PCDHGC3: variants seen among roughly 807,000 people sequenced by gnomAD.
The protein encoded by PCDHGC3 is protocadherin gamma subfamily C, 3.
PCDHGC3 carries 26 observed loss-of-function variants against 59.2 expected under a neutral mutation model. That is an observed-to-expected ratio of 0.44 (90% CI 0.32 to 0.61). PCDHGC3 has a LOEUF of 0.61. Ranked by LOEUF, PCDHGC3 falls within the 20% of genes least tolerant of loss-of-function variation. The pLI is 0.05. For missense variants in PCDHGC3, 1,080 were observed against 1,221.8 expected (o/e 0.88, Z 1.73); for synonymous variants, 487 against 519.7 (o/e 0.94, Z 0.86).
chr5:141,498,971 G>GGGAAGGAAGGAAGGAAGGAA (rs201769957), intron 2 of PCDHGC3, among the ~76,000 whole-genome samples: 36 of 111,052 alleles, frequency 3.2e-4, no homozygotes, highest in African/African-American at 9.0e-4. Context: ...GAGGGAGGGA[G>GGGAAGGAAGGAAGGAAGGAA]GGAAGGAAGG....
At chr5:141,509,570 G>A (rs2099877371) in intron 3 of PCDHGC3, among the ~76,000 whole-genome samples, 1 of 152,232 alleles carries the variant, frequency 6.6e-6, no homozygotes, top group South Asian at 2.1e-4. Flanking sequence ...AGCCTTCACA[G>A]TGCGTACAAA....
chr5:141,477,087 C>T lies in PCDHGC3; in HGVS notation c.971C>T (p.Ala324Val), dbSNP rs748424193. ...AAACTCCATGAGATTTACATCCAGG[C>T]CAAAGACAAGGGCGCCAATCCCGAA... ...DTKLHEIYIQ[A>V]KDKGANPEGA... The change falls in exon 1 of 4, where the codon GCC becomes GTC. Residue 324 changes from alanine to valine, a missense_variant. Physicochemically the swap from Ala to Val is moderately conservative, Grantham distance 64. Coordinates refer to ENST00000308177, the MANE Select transcript of PCDHGC3 (RefSeq NM_002588.4). The surrounding 1 kb of genome is among the most constrained non-coding windows in gnomAD (Gnocchi z 4.9). The T allele has an allele frequency of 1.2e-6, 2 of 1,614,244 alleles. No individual in the cohort carries two copies. Among genetic ancestry groups the T allele is most frequent in the Admixed American group, 3.3e-5 (2 of 60,032 alleles).
At chr5:141,484,660 T>G in intron 1 of PCDHGC3, among the ~76,000 whole-genome samples, 1 of 151,976 alleles carries the variant, frequency 6.6e-6, no homozygotes, top group Non-Finnish European at 1.5e-5. Flanking sequence ...ACTCTCCCTC[T>G]CAGTGGGCCG....
At position 141,500,878 on chromosome 5, in the gene PCDHGC3, T is replaced by A. The variant is rs545375199; in HGVS notation, c.2490-4515T>A. On this transcript the variant is annotated intron_variant, in intron 2 of 3. Transcript: ENST00000308177. The stretch of plus-strand genomic sequence containing the variant: ...AGAAAACATACACATTCATTTACAA[T>A]TTTTTTTTTTTGAGACAGTCTCGCT... Among the ~76,000 whole-genome samples, 20 of 92,410 alleles carry A rather than the reference T, an allele frequency of 2.2e-4. 1 individual carries two copies. The East Asian group carries it at 4.8e-3, about 22-fold the overall frequency. The allele number at this position is 92,410 out of a possible 152,430, so 60.6% of individuals were successfully genotyped here.
Position 141,477,780 on chromosome 5 carries a change from T to C in PCDHGC3, c.1664T>C (p.Ile555Thr). Residue 555 changes from isoleucine (I) to threonine (T), a missense_variant, in exon 1 of 4, where the codon ATA (isoleucine) becomes ACA (threonine). Coordinates refer to ENST00000308177, the MANE Select transcript of PCDHGC3 (RefSeq NM_002588.4). The surrounding 1 kb of genome is among the most constrained non-coding windows in gnomAD (Gnocchi z 4.9). ...CTAGCCACCAACATCAGCGTGAACA[T>C]ATTTGTCACTGATCGCAATGACAAT... ...PVLATNISVN[I>T]FVTDRNDNAP... 6.2e-7 allele frequency: 1 copy of C among 1,614,048 alleles called. No homozygotes were observed. Among genetic ancestry groups the C allele is most frequent in the Non-Finnish European group, 8.5e-7 (1 of 1,180,030 alleles).
intron 2 of PCDHGC3, 57 bp downstream of exon 2, chr5:141,494,922 C>G: frequency 6.2e-7 from 1 of 1,613,670 alleles, no homozygotes; most frequent in Admixed American, 1.7e-5. Context: ...TCAGGGATGA[C>G]GTGGGAGGAG....
chr5:141,476,521 C>T lies in PCDHGC3; in HGVS notation c.405C>T (p.Phe135=). The change falls in exon 1 of 4, where the codon TTC becomes TTT. Residue 135 remains phenylalanine (F), a synonymous_variant. Transcript: ENST00000308177. The surrounding 1 kb of genome is among the most constrained non-coding windows in gnomAD (Gnocchi z 7.6). ...ACATCAACGACAACAATCCTGCTTT[C>T]CCTACCCAGGAAATGAAATTGGAGA... ...IQDINDNNPA[F]PTQEMKLEIS... 4 of 1,614,214 alleles carry T rather than the reference C, an allele frequency of 2.5e-6. No homozygotes were observed. The highest frequency in any genetic ancestry group is 3.4e-6 in the Non-Finnish European group (4 of 1,180,036).
chr5:141,494,749 G>C (rs573811540), intron 1 of PCDHGC3, 58 bp from the exon 2 acceptor site: 3 of 1,612,818 alleles, frequency 1.9e-6, no homozygotes, highest in South Asian at 2.2e-5. Context: ...CTAGGGGCTC[G>C]GGTGACATTC....
chr5:141,493,808 C>T lies in PCDHGC3; in HGVS notation c.2431-999C>T, dbSNP rs2099750260. On this transcript the variant is annotated intron_variant, in intron 1 of 3. Transcript: ENST00000308177. The surrounding 1 kb of genome is among the most constrained non-coding windows in gnomAD (Gnocchi z 4.3). ...CTTCTCCCTGGAGTAATCTGAGATA[C>T]TCACACTCTCTGCTTCTGGGAGCAA... is the stretch of plus-strand genomic sequence containing the variant. 6.6e-6 allele frequency among the ~76,000 whole-genome samples: 1 copy of T among 152,200 alleles called. No individual in the cohort carries two copies. The highest frequency in any genetic ancestry group is 1.5e-5 in the Non-Finnish European group (1 of 68,042).
chr5:141,477,268 C>A lies in PCDHGC3; in HGVS notation c.1152C>A (p.Asn384Lys), dbSNP rs2099408532. The change falls in exon 1 of 4, where the codon AAC becomes AAA. Residue 384 changes from asparagine to lysine, a missense_variant. Transcript: ENST00000308177. This position sits in a 1 kb window ranked among gnomAD's most constrained non-coding sequence, Gnocchi z 4.9. ...TGACTGACCTGGATGCTGGCGAGAA[C>A]GGGCTGGTGACCTGCGAAGTTCCAC... ...LSVTDLDAGE[N>K]GLVTCEVPPG... is the part of the protein sequence containing the mutation. 1.2e-6 allele frequency: 2 copies of A among 1,614,078 alleles called. No individual in the cohort carries two copies. Among genetic ancestry groups the A allele is most frequent in the Non-Finnish European group, 1.7e-6 (2 of 1,180,038 alleles).
At chr5:141,500,182 ATT>A (rs1199992745) in intron 2 of PCDHGC3, among the ~76,000 whole-genome samples, 2 of 131,622 alleles carry the variant, frequency 1.5e-5, no homozygotes, top group African/African-American at 3.1e-5. Flanking sequence ...CTTCATTTTT[ATT>A]TTTATTTATT....
chr5:141,490,157 G>A lies in PCDHGC3; in HGVS notation c.2431-4650G>A. 6.2e-7 allele frequency: 1 copy of A among 1,614,210 alleles called. No homozygotes were observed. On this transcript the variant is annotated intron_variant, in intron 1 of 3. Transcript: ENST00000308177. The surrounding 1 kb of genome is among the most constrained non-coding windows in gnomAD (Gnocchi z 5.4). ...AGCAGTGGGGCAATCCATGTGTTGG[G>A]TCCCATAGACTTTGAGGAGTCACGT...
In PCDHGC3 at chr5:141,490,134, C is replaced by G; in HGVS notation, c.2431-4673C>G. On this transcript the variant is annotated intron_variant, in intron 1 of 3. Transcript: ENST00000308177. This position sits in a 1 kb window ranked among gnomAD's most constrained non-coding sequence, Gnocchi z 5.4. ...GGAACCTCTTTGGCCTAGACCCTAG[C>G]AGTGGGGCAATCCATGTGTTGGGTC... The G allele has an allele frequency of 1.2e-6, 2 of 1,614,232 alleles. No homozygotes were observed. The highest frequency in any genetic ancestry group is 1.7e-6 in the Non-Finnish European group (2 of 1,180,030).
At chr5:141,498,971 G>GGAAGGAA (rs2099787559) in intron 2 of PCDHGC3, among the ~76,000 whole-genome samples, 2 of 111,052 alleles carry the variant, frequency 1.8e-5, no homozygotes, top group African/African-American at 7.2e-5. Context: ...GAGGGAGGGA[G>GGAAGGAA]GGAAGGAAGG....
Position 141,477,983 on chromosome 5 carries a change from C to T in PCDHGC3, c.1867C>T (p.Leu623=). 1 of 1,614,126 alleles carries T rather than the reference C, an allele frequency of 6.2e-7. No individual in the cohort carries two copies. Among genetic ancestry groups the T allele is most frequent in the Non-Finnish European group, 8.5e-7 (1 of 1,180,024 alleles). ...SPNQSLFAIG[L]HTGQISTARP... ...TAACCAGAGCCTTTTTGCCATAGGGCTGCACACTGGTCAAATCAGTACTGC... is the reference window on the plus strand; with the variant it reads ...TAACCAGAGCCTTTTTGCCATAGGGTTGCACACTGGTCAAATCAGTACTGC... Residue 623 remains leucine, a synonymous_variant, in exon 1 of 4, where the codon CTG becomes TTG. Coordinates refer to ENST00000308177, the MANE Select transcript of PCDHGC3 (RefSeq NM_002588.4). The surrounding 1 kb of genome is among the most constrained non-coding windows in gnomAD (Gnocchi z 4.9).
In PCDHGC3 at chr5:141,491,552, G is replaced by A. The variant is rs769927075; in HGVS notation, c.2431-3255G>A. 1 of 1,614,008 alleles carries A rather than the reference G, an allele frequency of 6.2e-7. No individual in the cohort carries two copies. The highest frequency in any genetic ancestry group is 1.7e-5 in the Admixed American group (1 of 60,024). On this transcript the variant is annotated intron_variant, in intron 1 of 3. Coordinates refer to ENST00000308177, the MANE Select transcript of PCDHGC3 (RefSeq NM_002588.4). This position sits in a 1 kb window ranked among gnomAD's most constrained non-coding sequence, Gnocchi z 6.9. Reference sequence around the variant, plus strand: ...ACGCTGCGGCCCACAGACTCGCAGAGCCACTGCTACAGGACGTGCTTTTCA... The same window carrying A: ...ACGCTGCGGCCCACAGACTCGCAGAACCACTGCTACAGGACGTGCTTTTCA...
intron 1 of PCDHGC3, among the ~76,000 whole-genome samples, chr5:141,484,160 T>C (rs1451052819): frequency 2.6e-5 from 4 of 152,210 alleles, no homozygotes; most frequent in African/African-American, 7.2e-5. Flanking sequence ...CACAATGCTG[T>C]TGGTAGCTGA....
Position 141,489,341 on chromosome 5 carries a change from CAGT to C in PCDHGC3, c.2431-5465_2431-5463del. The stretch of plus-strand genomic sequence containing the variant: ...TGGGTGTCTGGGCAGCTTCGTTACT[CAGT>C]GGTGGAGGAGTCTGAGCCGGGGACG... On this transcript the variant is annotated intron_variant, in intron 1 of 3. Coordinates refer to ENST00000308177, the MANE Select transcript of PCDHGC3 (RefSeq NM_002588.4). This position sits in a 1 kb window ranked among gnomAD's most constrained non-coding sequence, Gnocchi z 4.5. The C allele has an allele frequency of 6.2e-7, 1 of 1,609,088 alleles. No homozygotes were observed. Among genetic ancestry groups the C allele is most frequent in the Non-Finnish European group, 8.5e-7 (1 of 1,176,770 alleles).
At chr5:141,502,093 G>C (rs1037154464) in intron 2 of PCDHGC3, among the ~76,000 whole-genome samples, 27 of 152,112 alleles carry the variant, frequency 1.8e-4, no homozygotes, top group Admixed American at 1.7e-3. Flanking sequence ...AGAACACCTG[G>C]CCTTGACCCT....
Sources: gnomAD v4.1 joint callset for allele counts (sites outside exome capture counted in the v4.1 genomes callset) on GRCh38, gnomAD v4.1.1 for gene constraint, Gnocchi (gnomAD v3.1) non-coding constraint, MANE v1.5 for transcripts, NCBI Gene and HGNC (gene_info 2026-07-23, HGNC 2026-07-21) for gene names.